Variants in GPC6 observed in about 807,000 individuals in gnomAD.
GPC6 encodes glypican 6.
In GPC6, 14 loss-of-function variants were observed where a neutral mutation model predicts 55.2. The ratio of observed to expected loss-of-function variants is 0.25; its 90% CI spans 0.17 to 0.40. The LOEUF (loss-of-function observed/expected upper bound fraction) is 0.40. Ranked by LOEUF, GPC6 falls within the 10% of genes least tolerant of loss-of-function variation. The pLI is 1.00. For missense variants in GPC6, 641 were observed against 708.5 expected, an observed-to-expected ratio of 0.90 and a Z score of 1.08; for synonymous variants, 278 against 259.6, an observed-to-expected ratio of 1.07 and a Z score of -0.68.
At chr13:93,973,352 A>T (rs993239957) in intron 3 of GPC6, among the ~76,000 whole-genome samples, 4 of 152,200 alleles carry the variant, frequency 2.6e-5, no homozygotes, top group Non-Finnish European at 4.4e-5. Flanking sequence ...TATGCAGTCC[A>T]TCATTGACCA....
chr13:93,547,276 G>A (rs1874857082), intron 2 of GPC6, among the ~76,000 whole-genome samples: 2 of 152,210 alleles, frequency 1.3e-5, no homozygotes, highest in Admixed American at 6.5e-5. Context: ...AACCTGGGAG[G>A]TGGAGGTTGC....
intron 3 of GPC6, among the ~76,000 whole-genome samples, chr13:93,963,811 G>A (rs1245896579): frequency 6.6e-6 from 1 of 152,174 alleles, no homozygotes; most frequent in Non-Finnish European, 1.5e-5. Flanking sequence ...TTCAACAGAT[G>A]TGACAATTTT....
At chr13:93,990,295 T>C (rs1232332763) in intron 3 of GPC6, among the ~76,000 whole-genome samples, 1 of 152,016 alleles carries the variant, frequency 6.6e-6, no homozygotes, top group African/African-American at 2.4e-5. Flanking sequence ...TTCTCTGCCC[T>C]TCATGTGCAG....
At chr13:93,308,500 G>A (rs9516210) in intron 1 of GPC6, among the ~76,000 whole-genome samples, 29,673 of 152,106 alleles carry the variant, frequency 0.2, 3,131 homozygotes, top group Non-Finnish European at 0.24. Context: ...GGAGTGCAGT[G>A]GCATGATCTC....
intron 4 of GPC6, among the ~76,000 whole-genome samples, chr13:94,129,147 A>T (rs1886927293): frequency 6.6e-6 from 1 of 152,222 alleles, no homozygotes; most frequent in Non-Finnish European, 1.5e-5. Context: ...TTTTAAAAAC[A>T]TGCTGTAGTT....
chr13:93,303,689 G>A (rs963698668), intron 1 of GPC6, among the ~76,000 whole-genome samples: 1 of 152,010 alleles, frequency 6.6e-6, no homozygotes, highest in African/African-American at 2.4e-5. Context: ...TAAATACTTA[G>A]ATAATTTAAT....
At chr13:93,551,911 A>G (rs1240095481) in intron 2 of GPC6, among the ~76,000 whole-genome samples, 1 of 152,216 alleles carries the variant, frequency 6.6e-6, no homozygotes. Context: ...GTATAATCAT[A>G]CACACACAAA....
chr13:93,644,766 G>GTAAA (rs58920250), intron 2 of GPC6, among the ~76,000 whole-genome samples: 2,969 of 143,232 alleles, frequency 0.021, 42 homozygotes, highest in Non-Finnish European at 0.029. Context: ...GCCATCAAGA[G>GTAAA]TAAATAAATA....
intron 6 of GPC6, among the ~76,000 whole-genome samples, chr13:94,356,439 A>T (rs888853095): frequency 1.3e-5 from 2 of 150,764 alleles, no homozygotes; most frequent in African/African-American, 5.0e-5. Flanking sequence ...ATGCAAATGT[A>T]GGCTCCATAA....
chr13:94,087,604 A>G (rs910621686), intron 4 of GPC6, among the ~76,000 whole-genome samples: 2 of 152,226 alleles, frequency 1.3e-5, no homozygotes, highest in Non-Finnish European at 2.9e-5. Context: ...ATTGATAAAG[A>G]TAATGACTGC....
intron 4 of GPC6, among the ~76,000 whole-genome samples, chr13:94,100,782 T>A (rs1335200098): frequency 1.3e-5 from 2 of 152,222 alleles, no homozygotes; most frequent in Non-Finnish European, 1.5e-5. Context: ...TGACTCTTAT[T>A]GGCCTTTTTC....
chr13:93,508,663 A>C (rs188920253), intron 1 of GPC6, among the ~76,000 whole-genome samples: 2 of 152,224 alleles, frequency 1.3e-5, no homozygotes, highest in African/African-American at 4.8e-5. Context: ...CATGTCCAGC[A>C]CAGGTGGCAG....
At chr13:94,010,321 C>A (rs7988278) in intron 3 of GPC6, among the ~76,000 whole-genome samples, 5 of 151,914 alleles carry the variant, frequency 3.3e-5, no homozygotes, top group Non-Finnish European at 7.4e-5. Flanking sequence ...TTTAGACAGA[C>A]ATTAACATCA....
rs547635564 is a variant in GPC6, at chr13:93,556,001, A to G, written c.319+10580A>G. Among the ~76,000 whole-genome samples, 17 of 152,320 alleles carry G rather than the reference A, an allele frequency of 1.1e-4. 1 individual carries two copies. Among genetic ancestry groups the G allele is most frequent in the African/African-American group, 4.1e-4 (17 of 41,588 alleles). On this transcript the variant is annotated intron_variant, in intron 2 of 8. Coordinates refer to ENST00000377047, the MANE Select transcript of GPC6 (RefSeq NM_005708.5). ...TTCTGACATATTAAGGTCAGCCAGT[A>G]ACAGGCCTCCATATCTAAGGTGGCA...
intron 2 of GPC6, among the ~76,000 whole-genome samples, chr13:93,743,827 T>C (rs1358802746): frequency 1.3e-5 from 2 of 152,308 alleles, no homozygotes; most frequent in South Asian, 2.1e-4. Flanking sequence ...CTTGCTTTCA[T>C]TGGTATTGTG....
intron 2 of GPC6, among the ~76,000 whole-genome samples, chr13:93,719,283 T>G (rs1352031000): frequency 6.6e-6 from 1 of 152,096 alleles, no homozygotes; most frequent in Non-Finnish European, 1.5e-5. Flanking sequence ...TAGTTCTCCT[T>G]GAAGAGGTCC....
At chr13:93,345,003 T>A in intron 1 of GPC6, among the ~76,000 whole-genome samples, 1 of 152,208 alleles carries the variant, frequency 6.6e-6, no homozygotes, top group Non-Finnish European at 1.5e-5. Flanking sequence ...CCTATTTTTA[T>A]ATGCTTTAAA....
At chr13:93,482,190 G>A (rs1879546880) in intron 1 of GPC6, among the ~76,000 whole-genome samples, 1 of 151,930 alleles carries the variant, frequency 6.6e-6, no homozygotes, top group African/African-American at 2.4e-5. Flanking sequence ...CTTTGTTAGT[G>A]TGTAGAAACA....
intron 2 of GPC6, among the ~76,000 whole-genome samples, chr13:93,665,074 AC>A (rs1881079352): frequency 6.6e-6 from 1 of 152,194 alleles, no homozygotes; most frequent in Non-Finnish European, 1.5e-5. Flanking sequence ...TTGTCTTCAC[AC>A]ACTACTGTTT....
Sources: gnomAD v4.1 joint callset for allele counts (sites outside exome capture counted in the v4.1 genomes callset) on GRCh38, gnomAD v4.1.1 for gene constraint, MANE v1.5 for transcripts, NCBI Gene and HGNC (gene_info 2026-07-23, HGNC 2026-07-21) for gene names.